Variants in PXDNL observed in about 807,000 individuals in gnomAD.
PXDNL encodes peroxidasin like.
In PXDNL, 145 loss-of-function variants were observed where a neutral mutation model predicts 150.8. That is an observed-to-expected ratio of 0.96 (90% CI 0.84 to 1.10). PXDNL has a LOEUF of 1.10. Among genes scored for constraint, PXDNL ranks in the 50% least tolerant of loss-of-function variants. The pLI, the probability that PXDNL is intolerant of heterozygous loss-of-function variation, is 0.00. For synonymous variants in PXDNL, 757 were observed against 725.7 expected, an observed-to-expected ratio of 1.04 and a Z score of -0.69; for missense variants, 2,087 against 1,873.9, an observed-to-expected ratio of 1.11 and a Z score of -2.10.
chr8:51,360,000 T>C (rs994065576), intron 19 of PXDNL, among the ~76,000 whole-genome samples: 7 of 149,670 alleles, frequency 4.7e-5, no homozygotes, highest in South Asian at 2.1e-4. Flanking sequence ...GTACTCAATT[T>C]GAAAGCATTA....
At chr8:51,430,284 C>T (rs950922790) in intron 12 of PXDNL, among the ~76,000 whole-genome samples, 6 of 152,216 alleles carry the variant, frequency 3.9e-5, no homozygotes, top group African/African-American at 1.4e-4. Flanking sequence ...CAACAATCTT[C>T]TAGTCTCATT....
chr8:51,629,066 T>G (rs1354507407), intron 2 of PXDNL, among the ~76,000 whole-genome samples: 3 of 152,052 alleles, frequency 2.0e-5, no homozygotes, highest in African/African-American at 7.2e-5. Context: ...TTGGACTAAC[T>G]AGACAAAGAC....
intron 1 of PXDNL, among the ~76,000 whole-genome samples, chr8:51,658,048 CAG>C (rs1284479194): frequency 2.0e-5 from 3 of 152,064 alleles, no homozygotes; most frequent in Non-Finnish European, 4.4e-5. Context: ...TCCTGAGAAG[CAG>C]AGTGTGGGCT....
At chr8:51,809,097 C>T (rs1247782493) in intron 1 of PXDNL, 84 bp downstream of exon 1, 2 of 1,413,532 alleles carry the variant, frequency 1.4e-6, no homozygotes, top group South Asian at 1.2e-5. Flanking sequence ...CATTAGGAAT[C>T]GTAAATTAAA....
Position 51,319,953 on chromosome 8 carries a change from CT to C in PXDNL, c.4329del (p.Gly1444GlufsTer78). 1 of 1,579,436 alleles carries C rather than the reference CT, an allele frequency of 6.3e-7. No individual in the cohort carries two copies. The highest frequency in any genetic ancestry group is 1.4e-5 in the African/African-American group (1 of 73,368). On this transcript the variant is annotated frameshift_variant, in exon 23 of 23. Transcript: ENST00000356297. LOFTEE classifies it low-confidence loss of function (END_TRUNC). ...TCTCTGCAAACTGGACAGCAGGTTC[CT>C]TTCACCAATTCAGGACTGGGACAGG... ...PAPCPSPELV[K>X]GTCCPVCRDR... is the part of the protein sequence containing the mutation.
intron 1 of PXDNL, 31 bp downstream of exon 1, chr8:51,809,150 G>C: frequency 6.2e-7 from 1 of 1,611,522 alleles, no homozygotes; most frequent in Non-Finnish European, 8.5e-7. Flanking sequence ...CATTGGGGAA[G>C]AGGGTTTCTG....
chr8:51,473,689 C>T (rs1440070239), intron 7 of PXDNL, among the ~76,000 whole-genome samples: 2 of 147,140 alleles, frequency 1.4e-5, no homozygotes, highest in African/African-American at 2.5e-5. Flanking sequence ...CACATGTATA[C>T]ATATGTAACT....
chr8:51,745,359 C>G (rs2036971436), intron 1 of PXDNL, among the ~76,000 whole-genome samples: 1 of 152,260 alleles, frequency 6.6e-6, no homozygotes, highest in African/African-American at 2.4e-5. Context: ...GAAAGTCAAT[C>G]CAACAAACAA....
At chr8:51,719,955 A>G (rs1404111942) in intron 1 of PXDNL, among the ~76,000 whole-genome samples, 1 of 152,056 alleles carries the variant, frequency 6.6e-6, no homozygotes, top group Non-Finnish European at 1.5e-5. Flanking sequence ...CATAGAGCCA[A>G]ACCAAATACA....
At chr8:51,621,733 AG>A (rs1402820189) in intron 2 of PXDNL, among the ~76,000 whole-genome samples, 2 of 152,118 alleles carry the variant, frequency 1.3e-5, no homozygotes, top group Non-Finnish European at 2.9e-5. Context: ...TGAGCCCAGG[AG>A]TTTGAGACCA....
chr8:51,595,459 T>C (rs1241040605), intron 2 of PXDNL, among the ~76,000 whole-genome samples: 1 of 152,164 alleles, frequency 6.6e-6, no homozygotes, highest in African/African-American at 2.4e-5. Context: ...AATGCCAAGA[T>C]TTACTCCACA....
At chr8:51,491,047 A>T (rs376421681) in intron 5 of PXDNL, among the ~76,000 whole-genome samples, 56 of 152,180 alleles carry the variant, frequency 3.7e-4, no homozygotes, top group Middle Eastern at 3.4e-3. Context: ...GGCCAGAATA[A>T]AAAGCAGGCA....
In PXDNL at chr8:51,409,548, A is replaced by G; in HGVS notation, c.2076T>C (p.Asn692=). 2 of 1,576,500 alleles carry G rather than the reference A, an allele frequency of 1.3e-6. No individual in the cohort carries two copies. Among genetic ancestry groups the G allele is most frequent in the Non-Finnish European group, 1.7e-6 (2 of 1,159,174 alleles). Residue 692 remains asparagine, a synonymous_variant, in exon 17 of 23, where the codon AAT becomes AAC. Transcript: ENST00000356297. The part of the protein sequence containing the change: ...VDLEGKEFRY[N]DLVSPRSLSL... ...TGAGGGAGCGCGGGGACACCAAGTCATTGTACCGGAATTCTGAAAGGCAAG... is the reference window on the plus strand; with the variant it reads ...TGAGGGAGCGCGGGGACACCAAGTCGTTGTACCGGAATTCTGAAAGGCAAG...
At chr8:51,718,442 A>G (rs1339591234) in intron 1 of PXDNL, among the ~76,000 whole-genome samples, 5 of 152,220 alleles carry the variant, frequency 3.3e-5, no homozygotes, top group Non-Finnish European at 7.3e-5. Context: ...TCAATCATGC[A>G]TATACTTTCC....
intron 5 of PXDNL, among the ~76,000 whole-genome samples, chr8:51,491,536 C>T (rs979213842): frequency 6.6e-6 from 1 of 152,170 alleles, no homozygotes; most frequent in African/African-American, 2.4e-5. Context: ...CCATTCCCTG[C>T]CTTCCAAGCC....
rs537705766 is a variant in PXDNL, at chr8:51,337,772, G to A, written c.4146+1852C>T. The stretch of plus-strand genomic sequence containing the variant: ...GGCGCCTGTAGTCCCCCAGCTACAC[G>A]GGAGGCTGAGGCTGTGCTTAAACCT... On this transcript the variant is annotated intron_variant, in intron 21 of 22. Transcript: ENST00000356297. 2.6e-5 allele frequency among the ~76,000 whole-genome samples: 4 copies of A among 151,930 alleles called. No individual in the cohort carries two copies. The East Asian group carries it at 5.8e-4, about 22-fold the overall frequency.
intron 3 of PXDNL, among the ~76,000 whole-genome samples, chr8:51,575,182 C>T (rs73588745): frequency 0.053 from 8,066 of 151,820 alleles, 517 homozygotes; most frequent in African/African-American, 0.15. Context: ...TAGAATGATA[C>T]TTGAGGAGAA....
Position 51,742,778 on chromosome 8 carries a change from G to C in PXDNL, c.164+66403C>G, listed in dbSNP as rs935120024. 5.3e-5 allele frequency among the ~76,000 whole-genome samples: 8 copies of C among 152,072 alleles called. No homozygotes were observed. In the South Asian group the frequency reaches 1.0e-3, roughly 20 times the overall value. On this transcript the variant is annotated intron_variant, in intron 1 of 22. Coordinates refer to ENST00000356297, the MANE Select transcript of PXDNL (RefSeq NM_144651.5). ...AGTGACTGTTTTGTTTGCCACAGTA[G>C]GCATTTCATGATTGTCACATGAAAA...
At chr8:51,416,940 G>A (rs898790982) in intron 14 of PXDNL, among the ~76,000 whole-genome samples, 2 of 152,042 alleles carry the variant, frequency 1.3e-5, no homozygotes, top group Non-Finnish European at 1.5e-5. Flanking sequence ...AAGTTTATGT[G>A]GTTTAAGAGT....
Sources: allele counts gnomAD v4.1 joint callset (sites outside exome capture counted in the v4.1 genomes callset), GRCh38; gene constraint gnomAD v4.1.1; transcripts MANE v1.5; gene names NCBI Gene and HGNC (gene_info 2026-07-23, HGNC 2026-07-21).